The following CWC27 variants were observed in gnomAD, a reference collection of about 807,000 sequenced individuals.
CWC27 encodes the protein spliceosome-associated protein CWC27 homolog.
In CWC27, 47 loss-of-function variants were observed where a neutral mutation model predicts 63.6. The observed-to-expected ratio is 0.74, with a 90% CI of 0.58 to 0.94. CWC27 has a LOEUF of 0.94. CWC27 is among the 40% of genes least tolerant of loss of function. The pLI is 0.00. For synonymous variants in CWC27, 175 were observed against 179.8 expected (o/e 0.97, Z 0.22); for missense variants, 495 against 554.3 (o/e 0.89, Z 1.07).
At chr5:64,967,598 A>G (rs546325224) in intron 11 of CWC27, among the ~76,000 whole-genome samples, 1 of 152,114 alleles carries the variant, frequency 6.6e-6, no homozygotes, top group East Asian at 1.9e-4. Context: ...GGAACAGAAG[A>G]GAGTGTATAG....
rs1271477717 is a variant in CWC27, at chr5:64,971,811, A to G, written c.1151A>G (p.Gln384Arg). Residue 384 changes from glutamine (Q) to arginine (R), a missense_variant and splice_region_variant, in exon 12 of 14, where the codon CAG (glutamine) becomes CGG (arginine). Physicochemically the swap from Gln to Arg is conservative, Grantham distance 43 (BLOSUM62 1). Transcript: ENST00000381070. ...AAGAAGGGAACTTCCCGGGAAGATC[A>G]GGTAACTTCAAAAACCCAAATCCAT... ...QSKKGTSRED[Q>R]TLALLNQFKS... The G allele has an allele frequency of 6.2e-7, 1 of 1,601,758 alleles. No individual in the cohort carries two copies. The highest frequency in any genetic ancestry group is 1.4e-5 in the African/African-American group (1 of 73,918).
chr5:64,772,327 A>G (rs1314258990), intron 1 of CWC27, among the ~76,000 whole-genome samples: 2 of 152,092 alleles, frequency 1.3e-5, no homozygotes, highest in South Asian at 2.1e-4. Flanking sequence ...ATTATTTAAT[A>G]TATATAAAAA....
chr5:64,839,867 C>T (rs1745756419), intron 10 of CWC27, among the ~76,000 whole-genome samples: 1 of 151,944 alleles, frequency 6.6e-6, no homozygotes, highest in Non-Finnish European at 1.5e-5. Context: ...GAAGTGGCAA[C>T]TTGACATGGG....
At chr5:64,867,952 T>C (rs903447359) in intron 10 of CWC27, among the ~76,000 whole-genome samples, 1 of 150,666 alleles carries the variant, frequency 6.6e-6, no homozygotes, top group African/African-American at 2.4e-5. Context: ...GGGGGGGCTG[T>C]TGTTGTTGTT....
intron 11 of CWC27, among the ~76,000 whole-genome samples, chr5:64,890,073 G>A (rs973464960): frequency 7.9e-5 from 12 of 152,082 alleles, no homozygotes; most frequent in African/African-American, 2.9e-4. Context: ...TGACAGGTTT[G>A]GACATATTCT....
chr5:64,937,769 G>A (rs1748385871), intron 11 of CWC27, among the ~76,000 whole-genome samples: 1 of 152,032 alleles, frequency 6.6e-6, no homozygotes, highest in Admixed American at 6.5e-5. Context: ...TTACAAATCT[G>A]GGTGCTCCTG....
Position 64,801,322 on chromosome 5 carries a change from AT to A in CWC27, c.773del (p.Leu258Ter). On this transcript the variant is annotated frameshift_variant, in exon 9 of 14. Transcript: ENST00000381070. LOFTEE classifies it high-confidence loss of function. ...TATAGTGAAAAAGGTGATGCACCAG[AT>A]TTAGTTGATGTAAGTATTTATTTTG... The part of the protein sequence containing the change: ...VVESEKGDAP[D>X]LVDDGEDESA... 1 of 1,392,084 alleles carries A rather than the reference AT, an allele frequency of 7.2e-7. No homozygotes were observed. The allele number at this position is 1,392,084 out of a possible 1,614,324, so 86.2% of individuals were successfully genotyped here.
At chr5:64,963,768 A>G (rs975798453) in intron 11 of CWC27, among the ~76,000 whole-genome samples, 6 of 152,198 alleles carry the variant, frequency 3.9e-5, no homozygotes, top group Admixed American at 1.3e-4. Context: ...CTATTCTCAA[A>G]CTGTCTGCCT....
At position 64,885,537 on chromosome 5, in the gene CWC27, A is replaced by G. The variant is rs952945840; in HGVS notation, c.1033A>G (p.Arg345Gly). 5.0e-6 allele frequency: 8 copies of G among 1,598,456 alleles called. No individual in the cohort carries two copies. The highest frequency in any genetic ancestry group is 6.8e-6 in the Non-Finnish European group (8 of 1,171,488). The change falls in exon 11 of 14, where the codon AGA becomes GGA. Residue 345 changes from arginine to glycine, a missense_variant. Around this residue, in one of 3 missense-constraint regions of CWC27, gnomAD observed 463 missense variants for 498.1 expected, o/e 0.93. Coordinates refer to ENST00000381070, the MANE Select transcript of CWC27 (RefSeq NM_005869.4). Reference protein sequence around the residue: ...VENAAKQAEKRSEEEEAPPDG... With the variant: ...VENAAKQAEKGSEEEEAPPDG... ...AAATGCAGCAAAACAAGCAGAAAAAAGAAGTGAAGGTAAGGGCATTTATCA... is the reference window on the plus strand; with the variant it reads ...AAATGCAGCAAAACAAGCAGAAAAAGGAAGTGAAGGTAAGGGCATTTATCA...
At chr5:64,825,185 A>G (rs538273956) in intron 10 of CWC27, among the ~76,000 whole-genome samples, 2 of 152,326 alleles carry the variant, frequency 1.3e-5, no homozygotes, top group East Asian at 3.9e-4. Context: ...TTTTAGTAAC[A>G]TATAAGGCAA....
chr5:64,818,222 T>A (rs1745099072), intron 10 of CWC27, among the ~76,000 whole-genome samples: 1 of 152,134 alleles, frequency 6.6e-6, no homozygotes, highest in South Asian at 2.1e-4. Flanking sequence ...TATTTTCAAT[T>A]TGTTCTGGAA....
chr5:64,936,537 T>C (rs566672447), intron 11 of CWC27, among the ~76,000 whole-genome samples: 40 of 152,362 alleles, frequency 2.6e-4, no homozygotes, highest in Admixed American at 9.8e-4. Flanking sequence ...TCAATGTTCA[T>C]CAGGGATATT....
At chr5:64,901,758 AAC>A (rs1747516612) in intron 11 of CWC27, among the ~76,000 whole-genome samples, 3 of 152,212 alleles carry the variant, frequency 2.0e-5, no homozygotes, top group Non-Finnish European at 4.4e-5. Context: ...CGTAGCTTAA[AAC>A]ACAAATACAT....
At chr5:64,965,699 A>G (rs1055535132) in intron 11 of CWC27, among the ~76,000 whole-genome samples, 6 of 152,158 alleles carry the variant, frequency 3.9e-5, no homozygotes, top group Non-Finnish European at 8.8e-5. Flanking sequence ...TCGATTTTTT[A>G]CTTCAGTTAG....
intron 13 of CWC27, among the ~76,000 whole-genome samples, chr5:65,006,960 C>CAA (rs1344069727): frequency 1.6e-5 from 2 of 121,214 alleles, no homozygotes; most frequent in South Asian, 6.0e-4. Flanking sequence ...TTTAAAAAGA[C>CAA]AGAAAGAAAG....
At chr5:64,897,406 TA>T in intron 11 of CWC27, among the ~76,000 whole-genome samples, 1 of 152,126 alleles carries the variant, frequency 6.6e-6, no homozygotes, top group East Asian at 1.9e-4. Context: ...TATGCAGCTA[TA>T]AAAAAGGATG....
At chr5:64,810,807 G>T (rs571899178) in intron 10 of CWC27, among the ~76,000 whole-genome samples, 2 of 151,990 alleles carry the variant, frequency 1.3e-5, no homozygotes, top group African/African-American at 4.8e-5. Flanking sequence ...ATGTAAAAGT[G>T]GATGATATTT....
intron 2 of CWC27, among the ~76,000 whole-genome samples, chr5:64,775,164 A>T (rs111793388): frequency 1.1e-3 from 169 of 152,324 alleles, no homozygotes; most frequent in African/African-American, 3.9e-3. Context: ...TAAGAACTTC[A>T]GTCATTTCTT....
intron 11 of CWC27, among the ~76,000 whole-genome samples, chr5:64,893,001 T>C (rs1369094224): frequency 2.0e-5 from 3 of 152,224 alleles, no homozygotes; most frequent in Non-Finnish European, 4.4e-5. Context: ...TACATTGAAA[T>C]AATTACAAAT....
Sources: allele counts gnomAD v4.1 joint callset (sites outside exome capture counted in the v4.1 genomes callset), GRCh38; gene constraint gnomAD v4.1.1; regional missense constraint gnomAD v4.1.1; transcripts MANE v1.5; gene names NCBI Gene and HGNC (gene_info 2026-07-23, HGNC 2026-07-21).